Variants in ANKS1B observed in about 807,000 individuals in gnomAD.
ANKS1B encodes ankyrin repeat and sterile alpha motif domain containing 1B, also known as ankyrin repeat and sterile alpha motif domain-containing protein 1B.
Under a neutral mutation model 148.3 loss-of-function variants are expected in ANKS1B, and 36 were observed. The ratio of observed to expected loss-of-function variants is 0.24; its 90% confidence interval spans 0.19 to 0.32. The LOEUF (loss-of-function observed/expected upper bound fraction) is 0.32. Ranked by LOEUF, ANKS1B falls within the 10% of genes least tolerant of loss-of-function variation. ANKS1B has a pLI of 1.00. For missense variants in ANKS1B, 1,157 were observed against 1,542.6 expected (o/e 0.75, Z 4.19); for synonymous variants, 542 against 560.8 (o/e 0.97, Z 0.47).
chr12:99,002,999 T>C (rs1044674697), intron 17 of ANKS1B, among the ~76,000 whole-genome samples: 1 of 152,226 alleles, frequency 6.6e-6, no homozygotes, highest in African/African-American at 2.4e-5. Flanking sequence ...CTACTTGGCA[T>C]TGATTTTTGT....
intron 4 of ANKS1B, among the ~76,000 whole-genome samples, chr12:99,783,950 C>G (rs2064677257): frequency 6.6e-6 from 1 of 152,050 alleles, no homozygotes; most frequent in African/African-American, 2.4e-5. Context: ...TCATTATATA[C>G]TATATTTCAT....
At chr12:98,828,519 G>A (rs914655412) in intron 19 of ANKS1B, among the ~76,000 whole-genome samples, 2 of 152,124 alleles carry the variant, frequency 1.3e-5, no homozygotes, top group Non-Finnish European at 1.5e-5. Context: ...GGAGCTACCC[G>A]CCCATCTGAA....
chr12:98,967,346 G>A (rs1465093588), intron 17 of ANKS1B, among the ~76,000 whole-genome samples: 1 of 152,010 alleles, frequency 6.6e-6, no homozygotes, highest in Non-Finnish European at 1.5e-5. Context: ...TTATCATTGA[G>A]CAGCTCTTTG....
intron 17 of ANKS1B, among the ~76,000 whole-genome samples, chr12:99,020,430 A>G (rs1234027548): frequency 6.6e-6 from 1 of 152,146 alleles, no homozygotes; most frequent in Non-Finnish European, 1.5e-5. Flanking sequence ...CAGAAACTGG[A>G]AACACTGACA....
chr12:99,688,097 C>G (rs1389462868), intron 8 of ANKS1B, among the ~76,000 whole-genome samples: 1 of 152,170 alleles, frequency 6.6e-6, no homozygotes, highest in East Asian at 1.9e-4. Flanking sequence ...TTGTATCTTA[C>G]AATTTAGGTC....
intron 1 of ANKS1B, among the ~76,000 whole-genome samples, chr12:99,927,402 T>C (rs1383404082): frequency 6.6e-6 from 1 of 152,246 alleles, no homozygotes; most frequent in South Asian, 2.1e-4. Flanking sequence ...ATTCAAATGT[T>C]TTCTAAAATC....
intron 17 of ANKS1B, among the ~76,000 whole-genome samples, chr12:98,874,090 T>C (rs1399955741): frequency 2.0e-5 from 3 of 152,176 alleles, no homozygotes; most frequent in Admixed American, 6.5e-5. Flanking sequence ...ATAAATAATG[T>C]AGCTGGCTAA....
chr12:98,768,534 AC>A (rs1194755398), intron 25 of ANKS1B, among the ~76,000 whole-genome samples: 3 of 148,090 alleles, frequency 2.0e-5, no homozygotes, highest in Non-Finnish European at 4.5e-5. Flanking sequence ...GGAGATCGGG[AC>A]CATCTTGGCT....
intron 10 of ANKS1B, 71 bp from the exon 11 acceptor site, chr12:99,443,880 C>T (rs2095590320): frequency 6.6e-7 from 1 of 1,508,036 alleles, no homozygotes. Context: ...AATTAATTTT[C>T]TGAACATAAA....
chr12:98,856,203 A>AT (rs2099570606), intron 17 of ANKS1B, among the ~76,000 whole-genome samples: 2 of 152,244 alleles, frequency 1.3e-5, no homozygotes, highest in Non-Finnish European at 2.9e-5. Flanking sequence ...AATAATTTGC[A>AT]TTTTATGATG....
At chr12:98,755,271 G>A (rs1204015478) in intron 25 of ANKS1B, among the ~76,000 whole-genome samples, 1 of 152,214 alleles carries the variant, frequency 6.6e-6, no homozygotes, top group Non-Finnish European at 1.5e-5. Flanking sequence ...TGTACGAGGA[G>A]ACTCTACCGG....
At chr12:99,349,064 A>G (rs1475869413) in intron 12 of ANKS1B, among the ~76,000 whole-genome samples, 1 of 151,936 alleles carries the variant, frequency 6.6e-6, no homozygotes, top group Non-Finnish European at 1.5e-5. Flanking sequence ...CCTATATTAA[A>G]GCAGAGTTTT....
chr12:99,696,143 T>C (rs1321412863), intron 8 of ANKS1B, among the ~76,000 whole-genome samples: 1 of 152,148 alleles, frequency 6.6e-6, no homozygotes, highest in Non-Finnish European at 1.5e-5. Context: ...TTTAAGTAGA[T>C]TCATAAATTT....
chr12:98,899,131 G>C (rs2099768746), intron 17 of ANKS1B, among the ~76,000 whole-genome samples: 1 of 152,162 alleles, frequency 6.6e-6, no homozygotes, highest in African/African-American at 2.4e-5. Flanking sequence ...TTTAGTAGTA[G>C]TATAATGCAA....
At chr12:99,451,167 T>C (rs188604326) in intron 10 of ANKS1B, among the ~76,000 whole-genome samples, 1 of 152,362 alleles carries the variant, frequency 6.6e-6, no homozygotes, top group East Asian at 1.9e-4. Context: ...GACTATCTTC[T>C]TGTCAGATTC....
At chr12:98,875,297 A>G (rs964643852) in intron 17 of ANKS1B, among the ~76,000 whole-genome samples, 7 of 152,284 alleles carry the variant, frequency 4.6e-5, no homozygotes, top group African/African-American at 1.7e-4. Context: ...TGTCAGAACA[A>G]TCTTTCTGGA....
At chr12:99,647,884 A>T (rs1429635447) in intron 9 of ANKS1B, 1 of 401,814 alleles carries the variant, frequency 2.5e-6, no homozygotes, top group East Asian at 3.8e-5. Context: ...GAGCACTGAC[A>T]CCTGTGTGCC....
intron 1 of ANKS1B, among the ~76,000 whole-genome samples, chr12:99,941,336 T>C (rs541949394): frequency 9.2e-5 from 14 of 152,148 alleles, no homozygotes; most frequent in Admixed American, 8.5e-4. Context: ...TTCAAAAGTA[T>C]ATCTAAAAGT....
intron 17 of ANKS1B, among the ~76,000 whole-genome samples, chr12:98,950,419 C>T (rs1424285047): frequency 6.6e-6 from 1 of 152,110 alleles, no homozygotes; most frequent in African/African-American, 2.4e-5. Flanking sequence ...ATAACTTGAA[C>T]CTGGGAGGCG....
Sources: gnomAD v4.1 joint callset for allele counts (sites outside exome capture counted in the v4.1 genomes callset) on GRCh38, gnomAD v4.1.1 for gene constraint, MANE v1.5 for transcripts, NCBI Gene and HGNC (gene_info 2026-07-23, HGNC 2026-07-21) for gene names.